NCBP1: variants seen among roughly 807,000 people sequenced by gnomAD.
The protein encoded by NCBP1 is nuclear cap-binding protein subunit 1.
In NCBP1, 16 loss-of-function variants were observed where a neutral mutation model predicts 111.7. The ratio of observed to expected loss-of-function variants is 0.14; its 90% confidence interval spans 0.10 to 0.22. The LOEUF is 0.22. Ranked by LOEUF, NCBP1 falls within the 10% of genes least tolerant of loss-of-function variation. NCBP1 has a pLI of 1.00. For missense variants in NCBP1, 607 were observed against 957.5 expected, an observed-to-expected ratio of 0.63 and a Z score of 4.83; for synonymous variants, 304 against 314.3, an observed-to-expected ratio of 0.97 and a Z score of 0.35.
At chr9:97,658,446 G>C (rs758289867) in intron 14 of NCBP1, among the ~76,000 whole-genome samples, 194 bp from the exon 15 acceptor site, 1 of 152,236 alleles carries the variant, frequency 6.6e-6, no homozygotes, top group East Asian at 1.9e-4. Flanking sequence ...GTGCAAGCCA[G>C]TGAGTTTTGC....
At chr9:97,652,953 A>G (rs1470031688) in intron 10 of NCBP1, among the ~76,000 whole-genome samples, 1 of 152,114 alleles carries the variant, frequency 6.6e-6, no homozygotes, top group Non-Finnish European at 1.5e-5. Flanking sequence ...TTAGAATTCT[A>G]GACAGGTGGT....
chr9:97,661,091 T>G, intron 16 of NCBP1, 23 bp downstream of exon 16: 1 of 1,609,958 alleles, frequency 6.2e-7, no homozygotes. Flanking sequence ...CAGTATTTCT[T>G]AAGTGGAACT....
chr9:97,668,726 T>A, intron 20 of NCBP1, 120 bp from the exon 21 acceptor site: 8 of 1,150,142 alleles, frequency 7.0e-6, no homozygotes, highest in Non-Finnish European at 9.5e-6. Context: ...GGGGGGGTAC[T>A]TTCACTATAG....
Position 97,641,497 on chromosome 9 carries a change from G to C in NCBP1, c.124-65G>C, listed in dbSNP as rs1023530607. 28 of 1,233,344 alleles carry C rather than the reference G, an allele frequency of 2.3e-5. No homozygotes were observed. In the African/African-American group the frequency reaches 4.4e-4, roughly 19 times the overall value. The allele number at this position is 1,233,344 out of a possible 1,614,324, so 76.4% of individuals were successfully genotyped here. A position where few individuals can be genotyped will look rare whatever the true frequency, so the allele number is the denominator to read the frequency against. On this transcript the variant is annotated intron_variant, in intron 2 of 22. Transcript: ENST00000375147. ...ATATGTATATATTTACATTTAAATA[G>C]ATTTTTAAAAATAAATTTATGTTGC...
At chr9:97,665,573 C>T (rs969547799) in intron 19 of NCBP1, among the ~76,000 whole-genome samples, 1 of 152,178 alleles carries the variant, frequency 6.6e-6, no homozygotes, top group African/African-American at 2.4e-5. Flanking sequence ...CTATAGTCCA[C>T]CCCCTCCAGA....
At chr9:97,659,262 A>G (rs1827759451) in intron 15 of NCBP1, among the ~76,000 whole-genome samples, 1 of 152,230 alleles carries the variant, frequency 6.6e-6, no homozygotes, top group Admixed American at 6.5e-5. Flanking sequence ...GTAAAGTATT[A>G]TACATTGTTG....
chr9:97,645,002 C>A, intron 4 of NCBP1, 115 bp from the exon 5 acceptor site: 1 of 676,512 alleles, frequency 1.5e-6, no homozygotes. Flanking sequence ...AGGCTAGATT[C>A]AGCCCTTAGG....
chr9:97,670,048 A>AG, intron 22 of NCBP1: 2 of 360,826 alleles, frequency 5.5e-6, no homozygotes, highest in Non-Finnish European at 1.1e-5. Context: ...TCAGCCTCCC[A>AG]TATTGCTGGG....
At chr9:97,636,573 C>G (rs1432938422) in intron 1 of NCBP1, among the ~76,000 whole-genome samples, 1 of 135,366 alleles carries the variant, frequency 7.4e-6, no homozygotes, top group Non-Finnish European at 1.6e-5. Context: ...AATATATACT[C>G]TAATATATAT....
At position 97,668,825 on chromosome 9, in the gene NCBP1, T is replaced by G. The variant is rs761500835; in HGVS notation, c.2017-21T>G. On this transcript the variant is annotated intron_variant, in intron 20 of 22. Transcript: ENST00000375147. ...CTGGAATCTAAATGGTATTTTCCTT[T>G]TGTTCATTTGCCTTCTATAGCGAAG... 10 of 1,606,390 alleles carry G rather than the reference T, an allele frequency of 6.2e-6. No individual in the cohort carries two copies. The East Asian group carries it at 8.9e-5, about 14-fold the overall frequency.
At chr9:97,671,065 C>T (rs771153500) in intron 22 of NCBP1, 21 bp from the exon 23 acceptor site, 4 of 1,509,706 alleles carry the variant, frequency 2.6e-6, no homozygotes, top group Admixed American at 3.4e-5. Context: ...GACCTAACTA[C>T]CCCCTTTTGT....
intron 16 of NCBP1, 117 bp downstream of exon 16, chr9:97,661,185 TCAGA>T: frequency 7.7e-7 from 1 of 1,292,400 alleles, no homozygotes. Flanking sequence ...TTTGACCTGT[TCAGA>T]CTGTTGTTCT....
chr9:97,655,563 A>G, intron 12 of NCBP1, 139 bp from the exon 13 acceptor site: 1 of 592,520 alleles, frequency 1.7e-6, no homozygotes, highest in Admixed American at 3.5e-5. Flanking sequence ...GGCAGAAGAT[A>G]CAACTGCATG....
At chr9:97,668,670 T>G (rs1828084407) in intron 20 of NCBP1, among the ~76,000 whole-genome samples, 176 bp from the exon 21 acceptor site, 1 of 151,910 alleles carries the variant, frequency 6.6e-6, no homozygotes. Flanking sequence ...ACAGTGTCTC[T>G]GAACCACAAC....
intron 13 of NCBP1, 93 bp from the exon 14 acceptor site, chr9:97,655,918 G>T: frequency 7.3e-7 from 1 of 1,369,532 alleles, no homozygotes; most frequent in Non-Finnish European, 1.0e-6. Context: ...AACAAAACTT[G>T]TAAGTTGTTA....
In NCBP1 at chr9:97,653,592, C is replaced by G. The variant is rs1377775780; in HGVS notation, c.1060-206C>G. Among the ~76,000 whole-genome samples the G allele has an allele frequency of 7.2e-5, 11 of 151,922 alleles. 4 individuals carry two copies. Among genetic ancestry groups the G allele is most frequent in the Admixed American group, 7.2e-4 (11 of 15,266 alleles). ...TTAGTGTCGTGTGTTTTTATTTGATCGAATTATAGAGAGAAGAAATTTTCA... is the reference window on the plus strand; with the variant it reads ...TTAGTGTCGTGTGTTTTTATTTGATGGAATTATAGAGAGAAGAAATTTTCA... On this transcript the variant is annotated intron_variant, in intron 10 of 22. Coordinates refer to ENST00000375147, the MANE Select transcript of NCBP1 (RefSeq NM_002486.5).
intron 17 of NCBP1, 27 bp from the exon 18 acceptor site, chr9:97,662,927 G>A (rs1827881136): frequency 6.7e-7 from 1 of 1,503,414 alleles, no homozygotes; most frequent in Non-Finnish European, 9.2e-7. Flanking sequence ...AGTATATATG[G>A]TATTTTTTTC....
chr9:97,644,726 A>G (rs892974037), intron 4 of NCBP1, among the ~76,000 whole-genome samples: 3 of 152,354 alleles, frequency 2.0e-5, no homozygotes, highest in East Asian at 3.9e-4. Flanking sequence ...TTGATGTAGT[A>G]TAGCATAGAA....
At chr9:97,644,209 G>T (rs949819052) in intron 4 of NCBP1, among the ~76,000 whole-genome samples, 1 of 152,000 alleles carries the variant, frequency 6.6e-6, no homozygotes, top group Admixed American at 6.6e-5. Context: ...AAAAAGTTTG[G>T]ACACCCATCA....
Sources: allele counts gnomAD v4.1 joint callset (sites outside exome capture counted in the v4.1 genomes callset), GRCh38; gene constraint gnomAD v4.1.1; transcripts MANE v1.5; gene names NCBI Gene and HGNC (gene_info 2026-07-23, HGNC 2026-07-21).